Variants in PTCSC3 observed in about 807,000 individuals in gnomAD.
The protein encoded by PTCSC3 is papillary thyroid carcinoma susceptibility candidate 3 (non-protein coding).
intron 2 of PTCSC3, among the ~76,000 whole-genome samples, chr14:36,157,540 G>A (rs146177309): frequency 7.2e-5 from 11 of 152,100 alleles, no homozygotes; most frequent in African/African-American, 2.4e-4. Flanking sequence ...TAGGTCCTAC[G>A]TTTACATCTT....
At chr14:36,160,573 G>A (rs925633813) in intron 2 of PTCSC3, among the ~76,000 whole-genome samples, 2 of 152,142 alleles carry the variant, frequency 1.3e-5, no homozygotes, top group African/African-American at 2.4e-5. Flanking sequence ...TGGTTTGTAG[G>A]GTTTCTGCCA....
chr14:36,135,238 A>C (rs937689034), downstream of PTCSC3, among the ~76,000 whole-genome samples: 2 of 152,196 alleles, frequency 1.3e-5, no homozygotes, highest in East Asian at 3.8e-4. Context: ...GAGAGAAAAA[A>C]GGAAGCATAT....
downstream of PTCSC3, among the ~76,000 whole-genome samples, chr14:36,135,131 T>C (rs1370157390): frequency 6.6e-6 from 1 of 152,200 alleles, no homozygotes; most frequent in African/African-American, 2.4e-5. Context: ...TTAATTACTT[T>C]TAGAGGAAAA....
At chr14:36,163,149 G>A (rs752103118) in intron 1 of PTCSC3, among the ~76,000 whole-genome samples, 1 of 151,944 alleles carries the variant, frequency 6.6e-6, no homozygotes, top group Non-Finnish European at 1.5e-5. Flanking sequence ...GAGGCAGGAG[G>A]ATTACTTGAG....
intron 2 of PTCSC3, among the ~76,000 whole-genome samples, chr14:36,155,188 A>G (rs1390380037): frequency 1.3e-5 from 2 of 152,184 alleles, no homozygotes; most frequent in East Asian, 3.8e-4. Flanking sequence ...AAAACCAAAG[A>G]ATTCACTATT....
intron 2 of PTCSC3, among the ~76,000 whole-genome samples, chr14:36,161,682 A>C (rs1160450455): frequency 1.3e-5 from 2 of 152,300 alleles, no homozygotes; most frequent in African/African-American, 4.8e-5. Flanking sequence ...GGTGTCTCTC[A>C]GTCAGGAGAC....
chr14:36,143,774 G>C (rs1490043880), intron 3 of PTCSC3, among the ~76,000 whole-genome samples: 1 of 143,564 alleles, frequency 7.0e-6, no homozygotes, highest in Non-Finnish European at 1.5e-5. Flanking sequence ...TTTTCTTCTA[G>C]GGTTTTTATG....
At chr14:36,172,822 T>C (rs2139114739) in intron 1 of PTCSC3, among the ~76,000 whole-genome samples, 1 of 152,240 alleles carries the variant, frequency 6.6e-6, no homozygotes. Context: ...CATTCTCCCA[T>C]CTCAAAAAGC....
At chr14:36,147,416 T>A (rs1329890239) in intron 3 of PTCSC3, among the ~76,000 whole-genome samples, 1 of 152,196 alleles carries the variant, frequency 6.6e-6, no homozygotes, top group Non-Finnish European at 1.5e-5. Flanking sequence ...ATTCATTTCA[T>A]CTTCCATTGC....
At chr14:36,148,533 G>A (rs993531096) in intron 3 of PTCSC3, among the ~76,000 whole-genome samples, 9 of 152,220 alleles carry the variant, frequency 5.9e-5, no homozygotes, top group African/African-American at 2.2e-4. Flanking sequence ...AGCGTGCAGT[G>A]TGTGCACCCA....
At chr14:36,136,964 A>C (rs984865714) in intron 3 of PTCSC3, among the ~76,000 whole-genome samples, 1 of 152,260 alleles carries the variant, frequency 6.6e-6, no homozygotes, top group Non-Finnish European at 1.5e-5. Flanking sequence ...CAAACAACAC[A>C]AAGTCCTTAT....
chr14:36,165,699 A>G (rs1474018305), intron 1 of PTCSC3, among the ~76,000 whole-genome samples: 2 of 144,368 alleles, frequency 1.4e-5, no homozygotes, highest in Non-Finnish European at 3.0e-5. Flanking sequence ...ATAGATGGGT[A>G]TTTCCTGATC....
At chr14:36,155,930 T>A (rs1048395150) in intron 2 of PTCSC3, among the ~76,000 whole-genome samples, 13 of 152,240 alleles carry the variant, frequency 8.5e-5, no homozygotes, top group Non-Finnish European at 4.4e-5. Flanking sequence ...GACTGGACTT[T>A]CACATTAGCA....
At chr14:36,176,507 G>C (rs906691191), upstream of PTCSC3, 1 of 151,692 alleles carries the variant, frequency 6.6e-6, no homozygotes, top group African/African-American at 2.4e-5. Flanking sequence ...TTTTGCTTTG[G>C]AGAAGAAAAA....
intron 1 of PTCSC3, among the ~76,000 whole-genome samples, chr14:36,164,518 A>G (rs773178055): frequency 2.3e-4 from 35 of 152,192 alleles, no homozygotes; most frequent in Non-Finnish European, 1.5e-5. Flanking sequence ...AAAACCAGTC[A>G]TTCTTTTCAT....
chr14:36,159,188 A>T (rs1339941920), intron 2 of PTCSC3, among the ~76,000 whole-genome samples: 2 of 148,812 alleles, frequency 1.3e-5, no homozygotes, highest in Admixed American at 1.4e-4. Context: ...CTTTAAAAAA[A>T]AAAACAGCTC....
At chr14:36,172,533 G>T (rs898943278) in intron 1 of PTCSC3, among the ~76,000 whole-genome samples, 3 of 151,992 alleles carry the variant, frequency 2.0e-5, no homozygotes, top group African/African-American at 7.2e-5. Context: ...ATCTGAAGAG[G>T]TTTCTTATCC....
chr14:36,160,266 A>T (rs549209630), intron 2 of PTCSC3, among the ~76,000 whole-genome samples: 3 of 152,182 alleles, frequency 2.0e-5, no homozygotes, highest in Non-Finnish European at 4.4e-5. Flanking sequence ...TGATCCTGTC[A>T]TTATGATGCT....
At chr14:36,163,448 A>C (rs1007096963) in intron 1 of PTCSC3, among the ~76,000 whole-genome samples, 12 of 152,258 alleles carry the variant, frequency 7.9e-5, no homozygotes, top group African/African-American at 2.2e-4. Flanking sequence ...AAAGAAATAC[A>C]TTAAGGAACT....
Sources: allele counts gnomAD v4.1 joint callset (sites outside exome capture counted in the v4.1 genomes callset), GRCh38; gene constraint gnomAD v4.1.1; transcripts MANE v1.5; gene names NCBI Gene and HGNC (gene_info 2026-07-23, HGNC 2026-07-21).